The following GRIK1 variants were observed in gnomAD, a reference collection of about 807,000 sequenced individuals.
GRIK1 encodes the protein glutamate ionotropic receptor kainate type subunit 1.
In GRIK1, 69 loss-of-function variants were observed where a neutral mutation model predicts 105.7. That is an observed-to-expected ratio of 0.65 (90% CI 0.54 to 0.80). The LOEUF (loss-of-function observed/expected upper bound fraction) is 0.80, where lower values mean the gene tolerates loss of function less well. GRIK1 is among the 30% of genes least tolerant of loss of function. The probability of loss-of-function intolerance (pLI) is 0.00; values close to 1 mark genes in which losing one functional copy is unlikely to be tolerated. For missense variants in GRIK1, 1,109 were observed against 1,167.3 expected (o/e 0.95, Z 0.73); for synonymous variants, 438 against 431.3 (o/e 1.02, Z -0.19).
intron 1 of GRIK1, among the ~76,000 whole-genome samples, chr21:29,932,363 C>T (rs1380525939): frequency 6.6e-6 from 1 of 151,960 alleles, no homozygotes; most frequent in Non-Finnish European, 1.5e-5. Flanking sequence ...ACTAATCTTA[C>T]CTTAGATTTC....
At position 29,658,437 on chromosome 21, in the gene GRIK1, A is replaced by G. The variant is rs909167664; in HGVS notation, c.727-3574T>C. Among the ~76,000 whole-genome samples, 15 of 151,926 alleles carry G rather than the reference A, an allele frequency of 9.9e-5. 1 individual carries two copies. Among genetic ancestry groups the G allele is most frequent in the Admixed American group, 9.8e-4 (15 of 15,256 alleles). On this transcript the variant is annotated intron_variant, in intron 4 of 17. Transcript: ENST00000327783. ...ACCGCCATGCCTGGCTAATTTTTAT[A>G]TTTTTAGTAGAGATGGGGTTTTACC... is the stretch of plus-strand genomic sequence containing the variant.
At chr21:29,883,963 T>C (rs1441878738) in intron 1 of GRIK1, among the ~76,000 whole-genome samples, 2 of 152,024 alleles carry the variant, frequency 1.3e-5, no homozygotes, top group Non-Finnish European at 1.5e-5. Context: ...GAAGTCCTTT[T>C]CCACTCTGAC....
intron 8 of GRIK1, among the ~76,000 whole-genome samples, chr21:29,597,914 A>T (rs1301278493): frequency 6.6e-6 from 1 of 152,190 alleles, no homozygotes; most frequent in Non-Finnish European, 1.5e-5. Flanking sequence ...ACCTCATTTT[A>T]AAAAATCAAC....
At chr21:29,744,453 A>G (rs1054841673) in intron 1 of GRIK1, among the ~76,000 whole-genome samples, 1 of 152,174 alleles carries the variant, frequency 6.6e-6, no homozygotes, top group Non-Finnish European at 1.5e-5. Flanking sequence ...CACCTCCAAC[A>G]TCACTTCTGT....
chr21:29,923,272 C>G (rs1027200234), intron 1 of GRIK1, among the ~76,000 whole-genome samples: 4 of 152,122 alleles, frequency 2.6e-5, no homozygotes, highest in Non-Finnish European at 5.9e-5. Context: ...CAGTTGCAAG[C>G]TTTTCTCAGG....
intron 4 of GRIK1, among the ~76,000 whole-genome samples, chr21:29,656,931 G>C (rs1470862084): frequency 6.6e-6 from 1 of 152,110 alleles, no homozygotes; most frequent in Non-Finnish European, 1.5e-5. Flanking sequence ...CAGGATATAA[G>C]TCACTCCTAC....
chr21:29,589,250 G>A (rs1028788102), intron 10 of GRIK1, among the ~76,000 whole-genome samples: 3 of 152,086 alleles, frequency 2.0e-5, no homozygotes, highest in Non-Finnish European at 2.9e-5. Context: ...CTTTCGATGG[G>A]AGCTTTTCCT....
chr21:29,744,391 G>C (rs758003375), intron 1 of GRIK1, among the ~76,000 whole-genome samples: 2 of 152,200 alleles, frequency 1.3e-5, no homozygotes, highest in Non-Finnish European at 2.9e-5. Context: ...GTGGAGTCCT[G>C]TGTACCATGT....
intron 1 of GRIK1, among the ~76,000 whole-genome samples, chr21:29,936,774 T>C (rs919262932): frequency 6.6e-6 from 1 of 152,264 alleles, no homozygotes; most frequent in African/African-American, 2.4e-5. Context: ...TCTTAGCTTT[T>C]ATCCTTTTCT....
chr21:29,935,683 A>C (rs1358741117), intron 1 of GRIK1, among the ~76,000 whole-genome samples: 1 of 152,198 alleles, frequency 6.6e-6, no homozygotes, highest in Non-Finnish European at 1.5e-5. Context: ...TATTCATATA[A>C]ATCTCCATAA....
At chr21:29,694,370 C>T (rs772119270) in intron 1 of GRIK1, among the ~76,000 whole-genome samples, 26 of 151,932 alleles carry the variant, frequency 1.7e-4, no homozygotes, top group Non-Finnish European at 2.6e-4. Flanking sequence ...GTGATCCACC[C>T]GCCTCGACCT....
intron 1 of GRIK1, among the ~76,000 whole-genome samples, chr21:29,734,591 G>T (rs1324013553): frequency 2.6e-5 from 4 of 151,810 alleles, no homozygotes; most frequent in African/African-American, 7.3e-5. Flanking sequence ...CAGGGATAGG[G>T]TTTCACCATG....
intron 1 of GRIK1, among the ~76,000 whole-genome samples, chr21:29,745,272 C>A (rs2065023159): frequency 1.3e-5 from 2 of 152,148 alleles, no homozygotes; most frequent in Non-Finnish European, 2.9e-5. Context: ...TCAACAACTG[C>A]ACGAGTAAAC....
At chr21:29,905,751 G>C (rs2507745) in intron 1 of GRIK1, among the ~76,000 whole-genome samples, 23,292 of 133,312 alleles carry the variant, frequency 0.17, 2,243 homozygotes, top group African/African-American at 0.27. Flanking sequence ...CTCAGCCTCC[G>C]AAGTAGCTGG....
rs1017664540 is a variant in GRIK1, at chr21:29,537,802, T to C, written c.2690A>G (p.Glu897Gly). 2 of 1,474,932 alleles carry C rather than the reference T, an allele frequency of 1.4e-6. No homozygotes were observed. The highest frequency in any genetic ancestry group is 2.8e-5 in the African/African-American group (2 of 72,314). 91.4% of individuals were successfully genotyped at this position (1,474,932 alleles called of 1,614,324 possible). The change falls in exon 17 of 18, where the codon GAG becomes GGG. Residue 897 changes from glutamate to glycine, a missense_variant. Coordinates refer to ENST00000327783, the MANE Select transcript of GRIK1 (RefSeq NM_001330994.2). ...TGCTATAGAAAATGAACAAACCTTC[T>C]CTACACCAAGGCTTTGTTTTTTTCT... ...HGRKKQSLGV[E>G]KCLSFNAIME...
chr21:29,644,507 G>A (rs2062578193), intron 6 of GRIK1, among the ~76,000 whole-genome samples: 1 of 152,154 alleles, frequency 6.6e-6, no homozygotes, highest in Admixed American at 6.5e-5. Context: ...TTAAGAAAAA[G>A]CATTTCATTC....
intron 7 of GRIK1, among the ~76,000 whole-genome samples, chr21:29,625,524 A>G (rs561017303): frequency 1.3e-5 from 2 of 152,268 alleles, no homozygotes; most frequent in South Asian, 4.2e-4. Context: ...CCACTCTCCA[A>G]TTCATCCTCC....
chr21:29,572,174 T>A (rs2090765318), intron 14 of GRIK1, among the ~76,000 whole-genome samples: 1 of 152,108 alleles, frequency 6.6e-6, no homozygotes, highest in Non-Finnish European at 1.5e-5. Flanking sequence ...AAGCCGAAAC[T>A]TTTCTTTCCC....
intron 1 of GRIK1, among the ~76,000 whole-genome samples, chr21:29,913,544 A>C (rs1028703436): frequency 6.6e-6 from 1 of 151,900 alleles, no homozygotes; most frequent in African/African-American, 2.4e-5. Flanking sequence ...ATGCTTAAGC[A>C]TGATAAAAGA....
Sources: gnomAD v4.1 joint callset for allele counts (sites outside exome capture counted in the v4.1 genomes callset) on GRCh38, gnomAD v4.1.1 for gene constraint, MANE v1.5 for transcripts, NCBI Gene and HGNC (gene_info 2026-07-23, HGNC 2026-07-21) for gene names.